The following MYO6 variants were observed in gnomAD, a reference collection of about 807,000 sequenced individuals.
MYO6 encodes myosin VI.
A neutral mutation model predicts 178.7 loss-of-function variants in MYO6; 74 were observed. The observed-to-expected ratio is 0.41, with a 90% CI of 0.34 to 0.50. MYO6 has a LOEUF of 0.50. Among genes scored for constraint, MYO6 ranks in the 20% least tolerant of loss-of-function variants. MYO6 has a pLI of 0.09. For synonymous variants in MYO6, 477 were observed against 504.6 expected (o/e 0.95, Z 0.73); for missense variants, 1,330 against 1,547.4 (o/e 0.86, Z 2.36).
chr6:75,880,224 T>C, intron 22 of MYO6, 104 bp downstream of exon 22: 1 of 881,810 alleles, frequency 1.1e-6, no homozygotes, highest in Non-Finnish European at 1.8e-6. Context: ...TCTTGAATTA[T>C]ATGGTCACTA....
At chr6:75,882,190 T>C (rs1325710693) in intron 23 of MYO6, among the ~76,000 whole-genome samples, 1 of 152,160 alleles carries the variant, frequency 6.6e-6, no homozygotes, top group Non-Finnish European at 1.5e-5. Flanking sequence ...TGTAATTGAT[T>C]TTCCTTTCTT....
intron 22 of MYO6, among the ~76,000 whole-genome samples, chr6:75,881,070 G>C (rs970525461): frequency 6.6e-6 from 1 of 152,082 alleles, no homozygotes; most frequent in Non-Finnish European, 1.5e-5. Flanking sequence ...TGGGCAACAT[G>C]GCAAAACCTC....
At chr6:75,879,776 C>G (rs1273779814) in intron 20 of MYO6, 44 bp from the exon 21 acceptor site, 1 of 1,613,730 alleles carries the variant, frequency 6.2e-7, no homozygotes, top group Non-Finnish European at 8.5e-7. Context: ...TTTTGGACTT[C>G]CGAACAGTGA....
chr6:75,904,382 G>A (rs532299491), intron 30 of MYO6, among the ~76,000 whole-genome samples: 72 of 151,348 alleles, frequency 4.8e-4, no homozygotes, highest in Non-Finnish European at 8.4e-4. Flanking sequence ...ACATAGATTT[G>A]GTCTTTTCAC....
chr6:75,917,673 C>G lies in MYO6; in HGVS notation c.*2661C>G, dbSNP rs908376303. The stretch of plus-strand genomic sequence containing the variant: ...CTGTAATGACTTTTCATAGGTCATT[C>G]TTGTGAACCATTTTGTTTTGCAAGC... On this transcript the variant is annotated 3_prime_UTR_variant, in exon 35 of 35. Transcript: ENST00000369977. 6.6e-6 allele frequency: 1 copy of G among 152,482 alleles called. No individual in the cohort carries two copies. Among genetic ancestry groups the G allele is most frequent in the Non-Finnish European group, 1.5e-5 (1 of 68,020 alleles). 9.4% of individuals were successfully genotyped at this position (152,482 alleles called of 1,614,324 possible).
rs189411232 is a variant in MYO6 at position 75,908,582 on chromosome 6, A to G, written c.3367A>G (p.Asn1123Asp). Residue 1123 changes from asparagine (N) to aspartate (D), a missense_variant, in exon 32 of 35, where the codon AAT becomes GAT. Asn to Asp is a conservative substitution (Grantham distance 23). Transcript: ENST00000369977. ...TTGGAAATCTAAGAACAAGAAGAGA[A>G]ATACTGAAACAGAGCAACGTGCTCC... ...HAWKSKNKKR[N>D]TETEQRAPKS... 3.8e-5 allele frequency: 61 copies of G among 1,613,666 alleles called. No individual in the cohort carries two copies. The Middle Eastern group carries it at 6.6e-4, about 17-fold the overall frequency.
chr6:75,857,675 C>T (rs1775842634), intron 13 of MYO6, among the ~76,000 whole-genome samples: 1 of 152,106 alleles, frequency 6.6e-6, no homozygotes, highest in Non-Finnish European at 1.5e-5. Flanking sequence ...ACTTACAGGC[C>T]AACCTCATTA....
Position 75,911,689 on chromosome 6 carries a change from A to G in MYO6, c.3430A>G (p.Asn1144Asp), listed in dbSNP as rs794727568. The G allele has an allele frequency of 1.2e-6, 2 of 1,612,214 alleles. No individual in the cohort carries two copies. Among genetic ancestry groups the G allele is most frequent in the Non-Finnish European group, 1.7e-6 (2 of 1,178,570 alleles). Residue 1144 changes from asparagine (N) to aspartate (D), a missense_variant, in exon 33 of 35, where the codon AAC (asparagine) becomes GAC (aspartate). Asn to Asp is a conservative substitution (Grantham distance 23). Transcript: ENST00000369977. ...GTTCACAGATTTTGCACCATTTTTG[A>G]ACAATTCACGTAAGTCAATGGGTGG... is the stretch of plus-strand genomic sequence containing the variant. The part of the protein sequence containing the change: ...VTDYDFAPFL[N>D]NSPQQNPAAQ...
At chr6:75,812,712 T>G (rs1412321562) in intron 1 of MYO6, among the ~76,000 whole-genome samples, 3 of 152,154 alleles carry the variant, frequency 2.0e-5, no homozygotes, top group Non-Finnish European at 1.5e-5. Context: ...TTTTCCTTTC[T>G]TTGTCTGATG....
intron 10 of MYO6, among the ~76,000 whole-genome samples, chr6:75,846,531 G>C (rs1196505998): frequency 6.6e-6 from 1 of 152,060 alleles, no homozygotes; most frequent in African/African-American, 2.4e-5. Context: ...TATCATTATA[G>C]ATACAGAATC....
At chr6:75,840,396 C>T (rs1449870580) in intron 7 of MYO6, among the ~76,000 whole-genome samples, 189 bp from the exon 8 acceptor site, 2 of 151,950 alleles carry the variant, frequency 1.3e-5, no homozygotes, top group Non-Finnish European at 1.5e-5. Context: ...CTCCTGACCT[C>T]GTGATCCACC....
intron 1 of MYO6, among the ~76,000 whole-genome samples, chr6:75,779,056 C>CAAA (rs142469441): frequency 1.1e-4 from 7 of 64,530 alleles, no homozygotes; most frequent in Non-Finnish European, 2.0e-4. Context: ...GACTTTGTCT[C>CAAA]AAAAAAAAAA....
chr6:75,898,190 T>C (rs1275650373), intron 29 of MYO6, among the ~76,000 whole-genome samples, 183 bp from the exon 30 acceptor site: 2 of 152,194 alleles, frequency 1.3e-5, no homozygotes, highest in African/African-American at 4.8e-5. Context: ...AACAAAAATT[T>C]TTCTGTGTGT....
chr6:75,849,737 AG>A (rs909170641), intron 11 of MYO6, among the ~76,000 whole-genome samples: 5 of 152,212 alleles, frequency 3.3e-5, no homozygotes, highest in Non-Finnish European at 7.3e-5. Context: ...AAATACGTGC[AG>A]GGGGAAGATG....
At chr6:75,770,172 T>G (rs1765731701) in intron 1 of MYO6, among the ~76,000 whole-genome samples, 1 of 152,202 alleles carries the variant, frequency 6.6e-6, no homozygotes. Flanking sequence ...CCCTTTGCGT[T>G]GCACTATGAT....
chr6:75,891,433 C>T (rs1315753767), intron 27 of MYO6, 127 bp downstream of exon 27: 2 of 579,688 alleles, frequency 3.5e-6, no homozygotes, highest in Admixed American at 2.5e-5. Context: ...GAGATCAAGA[C>T]CATCCTGGCT....
intron 1 of MYO6, among the ~76,000 whole-genome samples, chr6:75,769,622 C>G (rs1181146815): frequency 6.6e-6 from 1 of 152,230 alleles, no homozygotes; most frequent in Non-Finnish European, 1.5e-5. Flanking sequence ...ATTGAGTAGG[C>G]TGGGCGTGGT....
At chr6:75,897,282 A>AGAC (rs1779377350) in intron 29 of MYO6, among the ~76,000 whole-genome samples, 1 of 152,260 alleles carries the variant, frequency 6.6e-6, no homozygotes, top group Non-Finnish European at 1.5e-5. Flanking sequence ...TTTAAAAGTG[A>AGAC]GACGATTCTG....
Position 75,886,047 on chromosome 6 carries a change from G to A in MYO6, c.2460G>A (p.Met820Ile). The A allele has an allele frequency of 6.2e-7, 1 of 1,612,456 alleles. No individual in the cohort carries two copies. Among genetic ancestry groups the A allele is most frequent in the Non-Finnish European group, 8.5e-7 (1 of 1,178,994 alleles). ...ATCGAGCTGAAGCCTGCATTAAAAT[G>A]CAAAAAACTATTCGAATGTGGCTTT... ...IKYRAEACIK[M>I]QKTIRMWLCK... Residue 820 changes from methionine (M) to isoleucine (I), a missense_variant, in exon 24 of 35, where the codon ATG (methionine) becomes ATA (isoleucine). Around this residue, in one of 3 missense-constraint regions of MYO6, gnomAD observed 601 missense variants for 626.1 expected, o/e 0.96. Transcript: ENST00000369977.
Sources: allele counts gnomAD v4.1 joint callset (sites outside exome capture counted in the v4.1 genomes callset), GRCh38; gene constraint gnomAD v4.1.1; regional missense constraint gnomAD v4.1.1; transcripts MANE v1.5; gene names NCBI Gene and HGNC (gene_info 2026-07-23, HGNC 2026-07-21).